The following MRPL1 variants were observed in gnomAD, a reference collection of about 807,000 sequenced individuals.
MRPL1 encodes mitochondrial ribosomal protein L1.
Under a neutral mutation model 38.0 loss-of-function variants are expected in MRPL1, and 28 were observed. That is an observed-to-expected ratio of 0.74 (90% CI 0.55 to 1.01). The LOEUF is 1.01. MRPL1 is among the 50% of genes least tolerant of loss of function. The pLI, the probability that MRPL1 is intolerant of heterozygous loss-of-function variation, is 0.00. For missense variants in MRPL1, 358 were observed against 389.8 expected (o/e 0.92, Z 0.69); for synonymous variants, 123 against 126.7 (o/e 0.97, Z 0.20).
At chr4:77,883,941 T>C (rs1169216467) in intron 3 of MRPL1, among the ~76,000 whole-genome samples, 1 of 152,176 alleles carries the variant, frequency 6.6e-6, no homozygotes, top group East Asian at 1.9e-4. Context: ...TTCTGTACTT[T>C]AGCATGAAAA....
intron 7 of MRPL1, among the ~76,000 whole-genome samples, chr4:77,921,220 T>G (rs938499242): frequency 5.4e-4 from 82 of 152,236 alleles, no homozygotes; most frequent in African/African-American, 1.9e-3. Context: ...ACATTCTGAA[T>G]GCCTGCCGAG....
intron 3 of MRPL1, among the ~76,000 whole-genome samples, chr4:77,884,662 C>T (rs1255616684): frequency 1.3e-5 from 2 of 152,082 alleles, no homozygotes; most frequent in Admixed American, 6.5e-5. Context: ...CCTTTAGGCT[C>T]GACATTTTGT....
intron 2 of MRPL1, among the ~76,000 whole-genome samples, chr4:77,872,640 G>C (rs1034517360): frequency 6.6e-6 from 1 of 152,152 alleles, no homozygotes; most frequent in Non-Finnish European, 1.5e-5. Context: ...CGAGGCGGGT[G>C]GATCACGAAG....
intron 5 of MRPL1, among the ~76,000 whole-genome samples, chr4:77,888,658 T>A (rs1735738043): frequency 6.6e-6 from 1 of 152,220 alleles, no homozygotes; most frequent in Non-Finnish European, 1.5e-5. Context: ...AAGATTTTTC[T>A]TAGGGTTCTC....
In MRPL1 at chr4:77,906,134, C is replaced by A. The variant is rs184278272; in HGVS notation, c.671-3132C>A. Among the ~76,000 whole-genome samples the A allele has an allele frequency of 2.6e-3, 399 of 152,224 alleles. 2 individuals are homozygous for A. The highest frequency in any genetic ancestry group is 9.1e-3 in the African/African-American group (379 of 41,546). On this transcript the variant is annotated intron_variant, in intron 6 of 8. Transcript: ENST00000315567. ...CTGAGGTAGTTCAACCTTTGGAAGG[C>A]AGCTAAGTGAGGGTGGGTGGCTCAG...
At position 77,938,012 on chromosome 4, in the gene MRPL1, T is replaced by G. The variant is rs1230016389; in HGVS notation, c.778-11785T>G. 3.9e-5 allele frequency among the ~76,000 whole-genome samples: 6 copies of G among 152,194 alleles called. No homozygotes were observed. In the East Asian group the frequency reaches 9.6e-4, roughly 24 times the overall value. ...TTAAAAAAACAAAACAAAAAATACT[T>G]CTGCTATAGCAAAAACTTACAAAAC... On this transcript the variant is annotated intron_variant, in intron 7 of 8. Coordinates refer to ENST00000315567, the MANE Select transcript of MRPL1 (RefSeq NM_020236.4).
At chr4:77,893,328 G>A (rs567341230) in intron 5 of MRPL1, among the ~76,000 whole-genome samples, 1 of 152,054 alleles carries the variant, frequency 6.6e-6, no homozygotes. Context: ...TGTTGCCCAG[G>A]CTAATTTCAA....
chr4:77,938,557 T>C (rs1357423520), intron 7 of MRPL1, among the ~76,000 whole-genome samples: 5 of 152,214 alleles, frequency 3.3e-5, no homozygotes, highest in African/African-American at 1.2e-4. Context: ...GGTCTTACTT[T>C]TTTGGGCCCA....
chr4:77,885,392 G>T, intron 4 of MRPL1, 53 bp downstream of exon 4: 1 of 1,367,930 alleles, frequency 7.3e-7, no homozygotes, highest in East Asian at 2.3e-5. Flanking sequence ...TTTTGAGACG[G>T]AGTCTCACTC....
At chr4:77,886,789 CTTTTTTTT>C (rs71214375) in intron 4 of MRPL1, among the ~76,000 whole-genome samples, 5 of 90,516 alleles carry the variant, frequency 5.5e-5, no homozygotes, top group African/African-American at 1.9e-4. Flanking sequence ...TTTGCATTTT[CTTTTTTTT>C]TTTTTTTTTT....
At chr4:77,942,308 C>T (rs948892866) in intron 7 of MRPL1, among the ~76,000 whole-genome samples, 3 of 152,082 alleles carry the variant, frequency 2.0e-5, no homozygotes, top group African/African-American at 7.2e-5. Flanking sequence ...GAGACTGTTC[C>T]ATGTGCTGAT....
chr4:77,862,861 G>T lies in MRPL1; in HGVS notation c.13G>T (p.Val5Leu). The change falls in exon 1 of 9, where the codon GTA becomes TTA. Residue 5 changes from valine to leucine, a missense_variant. Transcript: ENST00000315567. MAAA[V>L]RCMGRALIHH... Reference sequence around the variant, plus strand: ...CGGAGTGCCCAACATGGCGGCGGCCGTAAGGTGCATGGGTAGAGGTAAGGC... The same window carrying T: ...CGGAGTGCCCAACATGGCGGCGGCCTTAAGGTGCATGGGTAGAGGTAAGGC... 6.2e-7 allele frequency: 1 copy of T among 1,614,106 alleles called. No homozygotes were observed. Among genetic ancestry groups the T allele is most frequent in the Non-Finnish European group, 8.5e-7 (1 of 1,180,012 alleles).
chr4:77,889,944 C>T (rs1314598057), intron 5 of MRPL1, among the ~76,000 whole-genome samples: 1 of 151,986 alleles, frequency 6.6e-6, no homozygotes, highest in Non-Finnish European at 1.5e-5. Flanking sequence ...AAGTTGAATC[C>T]CTGAATAGAC....
intron 7 of MRPL1, among the ~76,000 whole-genome samples, chr4:77,921,023 T>C (rs1560470238): frequency 6.6e-6 from 1 of 152,180 alleles, no homozygotes; most frequent in Non-Finnish European, 1.5e-5. Flanking sequence ...CCTCCCAAAG[T>C]GTTAGGATTA....
intron 1 of MRPL1, among the ~76,000 whole-genome samples, chr4:77,869,766 C>T (rs1052328975): frequency 1.1e-4 from 17 of 151,834 alleles, no homozygotes; most frequent in African/African-American, 3.6e-4. Flanking sequence ...ATTTTTTTTG[C>T]GTTTTTAGTA....
intron 2 of MRPL1, 34 bp from the exon 3 acceptor site, chr4:77,883,208 A>C: frequency 7.4e-7 from 1 of 1,354,832 alleles, no homozygotes; most frequent in South Asian, 1.5e-5. Flanking sequence ...CTTAGGATAT[A>C]TATTGATATA....
chr4:77,919,849 A>ACATG (rs1736524095), intron 7 of MRPL1, among the ~76,000 whole-genome samples: 1 of 149,364 alleles, frequency 6.7e-6, no homozygotes, highest in Non-Finnish European at 1.5e-5. Flanking sequence ...ATATATATAT[A>ACATG]TGTGTGTGTG....
intron 7 of MRPL1, among the ~76,000 whole-genome samples, chr4:77,926,047 A>C (rs1349633454): frequency 2.0e-5 from 3 of 152,240 alleles, no homozygotes; most frequent in Non-Finnish European, 4.4e-5. Context: ...GGCAAAAGCC[A>C]AACACAATCT....
At chr4:77,919,426 G>A (rs1736511140) in intron 7 of MRPL1, among the ~76,000 whole-genome samples, 1 of 152,074 alleles carries the variant, frequency 6.6e-6, no homozygotes, top group Non-Finnish European at 1.5e-5. Flanking sequence ...CCATTTTACA[G>A]AGGTATATAT....
Sources: allele counts gnomAD v4.1 joint callset (sites outside exome capture counted in the v4.1 genomes callset), GRCh38; gene constraint gnomAD v4.1.1; transcripts MANE v1.5; gene names NCBI Gene and HGNC (gene_info 2026-07-23, HGNC 2026-07-21).